The following ANK2 variants were observed in gnomAD, a reference collection of about 807,000 sequenced individuals.
ANK2 encodes ankyrin-2.
A neutral mutation model predicts 360.5 loss-of-function variants in ANK2; 83 were observed. The observed-to-expected ratio is 0.23, with a 90% CI of 0.19 to 0.28. The LOEUF is 0.28. Ranked by LOEUF, ANK2 falls within the 10% of genes least tolerant of loss-of-function variation. ANK2 has a pLI of 1.00. For synonymous variants in ANK2, 1,740 were observed against 1,759.5 expected, an observed-to-expected ratio of 0.99 and a Z score of 0.28; for missense variants, 4,201 against 4,795.7, an observed-to-expected ratio of 0.88 and a Z score of 3.66.
the ANK2 span, among the ~76,000 whole-genome samples, chr4:112,715,605 T>C: frequency 6.6e-6 from 1 of 152,322 alleles, no homozygotes; most frequent in Non-Finnish European, 1.5e-5. Flanking sequence ...TCTTCATAAA[T>C]CACTACATGC....
At chr4:112,739,229 T>C in the ANK2 span, 224 of 269,608 alleles carry the variant, frequency 8.3e-4, no homozygotes, top group African/African-American at 5.0e-3. Context: ...AGAGTTAAAA[T>C]AGGCAAAAAA....
intron 2 of ANK2, among the ~76,000 whole-genome samples, chr4:112,981,361 C>G (rs901330319): frequency 6.6e-6 from 1 of 152,130 alleles, no homozygotes; most frequent in African/African-American, 2.4e-5. Flanking sequence ...GAAAACTAAC[C>G]AGTGGAAATA....
intron 2 of ANK2, among the ~76,000 whole-genome samples, chr4:112,908,671 G>A (rs1215289174): frequency 1.3e-5 from 2 of 152,190 alleles, no homozygotes; most frequent in African/African-American, 4.8e-5. Context: ...CAGGGCTTAG[G>A]ACTTATGCCA....
chr4:113,151,345 GA>G, intron 1 of ANK2: 1 of 332,948 alleles, frequency 3.0e-6, no homozygotes, highest in Admixed American at 4.3e-5. Context: ...AGCTGTACAA[GA>G]AGCATTGCAC....
At chr4:112,733,935 C>T in the ANK2 span, among the ~76,000 whole-genome samples, 3 of 152,210 alleles carry the variant, frequency 2.0e-5, no homozygotes, top group Non-Finnish European at 4.4e-5. Flanking sequence ...CCACCACACC[C>T]GGCTAATTTT....
At chr4:113,100,783 A>G (rs2092699834) in intron 1 of ANK2, among the ~76,000 whole-genome samples, 1 of 152,182 alleles carries the variant, frequency 6.6e-6, no homozygotes, top group African/African-American at 2.4e-5. Context: ...ACAATGGAAT[A>G]TTATTCAGTG....
At chr4:113,284,561 G>T (rs143386651) in intron 18 of ANK2, among the ~76,000 whole-genome samples, 1 of 152,128 alleles carries the variant, frequency 6.6e-6, no homozygotes, top group African/African-American at 2.4e-5. Context: ...TACTTTCTTT[G>T]ACAGCGTTTT....
chr4:112,808,479 A>G, the ANK2 span, among the ~76,000 whole-genome samples: 1 of 152,238 alleles, frequency 6.6e-6, no homozygotes, highest in East Asian at 1.9e-4. Context: ...TTATGATACA[A>G]TACAAAGAAG....
At chr4:112,719,685 C>A in the ANK2 span, among the ~76,000 whole-genome samples, 1 of 147,068 alleles carries the variant, frequency 6.8e-6, no homozygotes, top group Non-Finnish European at 1.5e-5. Flanking sequence ...CTGAGATCGC[C>A]GATTACACTC....
At chr4:112,988,280 C>A (rs2045617712) in intron 2 of ANK2, among the ~76,000 whole-genome samples, 1 of 152,162 alleles carries the variant, frequency 6.6e-6, no homozygotes, top group Non-Finnish European at 1.5e-5. Flanking sequence ...TACTGGAAAT[C>A]AAGTATACTC....
chr4:113,250,370 T>C (rs1460027588), intron 10 of ANK2, among the ~76,000 whole-genome samples: 3 of 152,184 alleles, frequency 2.0e-5, no homozygotes, highest in Admixed American at 2.0e-4. Flanking sequence ...AAAGTACAAG[T>C]TGCAATAGGC....
intron 4 of ANK2, among the ~76,000 whole-genome samples, chr4:113,216,808 A>C: frequency 6.6e-6 from 1 of 152,214 alleles, no homozygotes; most frequent in East Asian, 1.9e-4. Flanking sequence ...CTTCCCTTAA[A>C]GTTATTGGGG....
chr4:112,850,249 C>CATCCATCTATCTATCT (rs1437200079), intron 1 of ANK2, among the ~76,000 whole-genome samples: 3 of 139,352 alleles, frequency 2.2e-5, no homozygotes, highest in Admixed American at 1.5e-4. Flanking sequence ...TAAGAAATTT[C>CATCCATCTATCTATCT]ATCTATCTAT....
chr4:113,024,693 T>C (rs2058883425), intron 2 of ANK2, among the ~76,000 whole-genome samples: 1 of 152,120 alleles, frequency 6.6e-6, no homozygotes, highest in Non-Finnish European at 1.5e-5. Flanking sequence ...CAAATTTAAA[T>C]ACACTTCTAC....
In ANK2 at chr4:113,177,302, G is replaced by A. The variant is rs192691460; in HGVS notation, c.186+2785G>A. Among the ~76,000 whole-genome samples, 11 of 151,936 alleles carry A rather than the reference G, an allele frequency of 7.2e-5. No homozygotes were observed. In the East Asian group the frequency reaches 1.2e-3, roughly 16 times the overall value. ...TCACCATGTTAGCCAGGATGGTCTC[G>A]ATCTCCTGACCTCGTGATCAGCCCG... On this transcript the variant is annotated intron_variant, in intron 2 of 45. Transcript: ENST00000357077.
intron 1 of ANK2, among the ~76,000 whole-genome samples, chr4:112,850,134 C>T (rs1423728605): frequency 2.0e-5 from 3 of 152,150 alleles, no homozygotes; most frequent in African/African-American, 7.2e-5. Flanking sequence ...ACACTATCAA[C>T]TTCCCTGTTT....
At chr4:112,915,108 A>G (rs898083499) in intron 2 of ANK2, among the ~76,000 whole-genome samples, 2 of 152,188 alleles carry the variant, frequency 1.3e-5, no homozygotes, top group African/African-American at 4.8e-5. Context: ...TAATAAGGCT[A>G]TGAGTTCTAC....
intron 39 of ANK2, 105 bp downstream of exon 39, chr4:113,361,002 A>T: frequency 9.7e-7 from 1 of 1,032,838 alleles, no homozygotes; most frequent in Admixed American, 2.0e-5. Flanking sequence ...GAGAAAGAAT[A>T]CATGAAAAGA....
intron 4 of ANK2, among the ~76,000 whole-genome samples, chr4:113,207,686 C>CA (rs34818513): frequency 0.025 from 2,525 of 101,598 alleles, 31 homozygotes; most frequent in Non-Finnish European, 0.036. Context: ...GATCACAAAG[C>CA]AAAAAAAAAA....
Sources: allele counts gnomAD v4.1 joint callset (sites outside exome capture counted in the v4.1 genomes callset), GRCh38; gene constraint gnomAD v4.1.1; transcripts MANE v1.5; gene names NCBI Gene and HGNC (gene_info 2026-07-23, HGNC 2026-07-21).